Variants in BIN2 observed in about 807,000 individuals in gnomAD.
The protein encoded by BIN2 is breast cancer associated protein BRAP1.
A neutral mutation model predicts 67.9 loss-of-function variants in BIN2; 43 were observed. That is an observed-to-expected ratio of 0.63 (90% CI 0.50 to 0.82). The LOEUF (loss-of-function observed/expected upper bound fraction) is 0.82. BIN2 is among the 40% of genes least tolerant of loss of function. The pLI is 0.00. For synonymous variants in BIN2, 244 were observed against 246.8 expected, an observed-to-expected ratio of 0.99 and a Z score of 0.11; for missense variants, 581 against 671.6, an observed-to-expected ratio of 0.87 and a Z score of 1.49.
chr12:51,312,937 G>A (rs1044993836), intron 2 of BIN2, among the ~76,000 whole-genome samples: 41 of 152,080 alleles, frequency 2.7e-4, no homozygotes, highest in Middle Eastern at 3.4e-3. Context: ...TATTTATATA[G>A]TAAAGAATTT....
At chr12:51,319,221 C>T (rs1053441288) in intron 1 of BIN2, among the ~76,000 whole-genome samples, 3 of 152,220 alleles carry the variant, frequency 2.0e-5, no homozygotes, top group East Asian at 3.8e-4. Flanking sequence ...CCAATCTCCC[C>T]AATCCCCAAA....
At chr12:51,290,101 A>AT (rs1945342999) in intron 10 of BIN2, among the ~76,000 whole-genome samples, 1 of 150,022 alleles carries the variant, frequency 6.7e-6, no homozygotes, top group African/African-American at 2.5e-5. Flanking sequence ...TTTATTTTGT[A>AT]TTAATTTTTT....
At chr12:51,317,055 T>C (rs569891695) in intron 1 of BIN2, among the ~76,000 whole-genome samples, 1 of 152,144 alleles carries the variant, frequency 6.6e-6, no homozygotes, top group South Asian at 2.1e-4. Flanking sequence ...TTTGTATTTT[T>C]AGTAGAGATA....
At chr12:51,318,806 G>T (rs1946196512) in intron 1 of BIN2, among the ~76,000 whole-genome samples, 1 of 152,132 alleles carries the variant, frequency 6.6e-6, no homozygotes, top group South Asian at 2.1e-4. Context: ...CATGTAAATT[G>T]CTTTCTCAGA....
intron 4 of BIN2, 35 bp downstream of exon 4, chr12:51,302,651 G>A: frequency 6.5e-7 from 1 of 1,536,500 alleles, no homozygotes. Flanking sequence ...ACAGGAGTAA[G>A]TGCCAATAAG....
In BIN2 at chr12:51,291,965, A is replaced by C; in HGVS notation, c.1141T>G (p.Ser381Ala). 6.2e-7 allele frequency: 1 copy of C among 1,614,058 alleles called. No homozygotes were observed. The highest frequency in any genetic ancestry group is 8.5e-7 in the Non-Finnish European group (1 of 1,179,986). The change falls in exon 10 of 13, where the codon TCA becomes GCA. Residue 381 changes from serine (S) to alanine (A), a missense_variant. Coordinates refer to ENST00000615107, the MANE Select transcript of BIN2 (RefSeq NM_016293.4). ...GGALSPSGQP[S>A]SSATEVVLRT... is the part of the protein sequence containing the mutation. ...AGGACTACTTCTGTGGCAGATGATG[A>C]AGGCTGCCCTGAAGGGCTCAGGGCT...
chr12:51,296,779 A>AG (rs1022778907), intron 8 of BIN2, among the ~76,000 whole-genome samples: 4 of 152,134 alleles, frequency 2.6e-5, no homozygotes, highest in African/African-American at 9.7e-5. Context: ...AACAATAGAT[A>AG]GATATTTCAC....
chr12:51,324,467 C>T (rs1451914292), upstream of BIN2: 2 of 1,516,768 alleles, frequency 1.3e-6, no homozygotes, highest in East Asian at 2.5e-5. Context: ...CAACTGCCAC[C>T]GCAGGGTAGA....
intron 8 of BIN2, 122 bp downstream of exon 8, chr12:51,296,967 G>T (rs2288367): frequency 0.097 from 81,364 of 839,566 alleles, 4,153 homozygotes; most frequent in African/African-American, 0.12. Flanking sequence ...ATTTCATCAT[G>T]AGAGAAAAGC....
chr12:51,313,689 G>T, intron 2 of BIN2, 134 bp downstream of exon 2: 1 of 766,408 alleles, frequency 1.3e-6, no homozygotes, highest in Non-Finnish European at 2.2e-6. Context: ...AGGTCACCCT[G>T]TAGCCCTTAA....
chr12:51,283,857 G>T (rs955822241), intron 12 of BIN2, among the ~76,000 whole-genome samples: 6 of 151,938 alleles, frequency 3.9e-5, no homozygotes, highest in Admixed American at 3.9e-4. Flanking sequence ...AGCTGGGCGT[G>T]GTGGCGCATG....
chr12:51,283,917 C>T (rs1468703560), intron 12 of BIN2, among the ~76,000 whole-genome samples: 1 of 150,372 alleles, frequency 6.7e-6, no homozygotes, highest in African/African-American at 2.4e-5. Flanking sequence ...TTGCTTGAAC[C>T]CAGAGGCCAA....
At position 51,299,666 on chromosome 12, in the gene BIN2, G is replaced by C; in HGVS notation, c.457C>G (p.Arg153Gly). Residue 153 changes from arginine to glycine, a missense_variant, in exon 6 of 13, where the codon CGA (arginine) becomes GGA (glycine). Transcript: ENST00000615107. ...TTCTGCACTGCCTCCAGGTGGTGTCGGGCACTGTCATAGTCCACGAGTTTC... is the reference window on the plus strand; with the variant it reads ...TTCTGCACTGCCTCCAGGTGGTGTCCGGCACTGTCATAGTCCACGAGTTTC... Reference protein sequence around the residue: ...GRKLVDYDSARHHLEAVQNAK... With the variant: ...GRKLVDYDSAGHHLEAVQNAK... 1 of 1,613,920 alleles carries C rather than the reference G, an allele frequency of 6.2e-7. No individual in the cohort carries two copies. Among genetic ancestry groups the C allele is most frequent in the South Asian group, 1.1e-5 (1 of 91,072 alleles).
chr12:51,324,167 G>T lies in BIN2; in HGVS notation c.-65C>A. 6.3e-7 allele frequency: 1 copy of T among 1,593,528 alleles called. No homozygotes were observed. On this transcript the variant is annotated 5_prime_UTR_variant, in exon 1 of 13. Coordinates refer to ENST00000615107, the MANE Select transcript of BIN2 (RefSeq NM_016293.4). ...CCTGTGGTTTTCTGAGGCCCCCGAG[G>T]AGGAAGTGCGGGCTCCCGGCATGCC...
chr12:51,317,815 C>T (rs1326509146), intron 1 of BIN2, among the ~76,000 whole-genome samples: 4 of 152,034 alleles, frequency 2.6e-5, no homozygotes, highest in Admixed American at 2.0e-4. Context: ...GATGAAACCC[C>T]GTCTCTACTA....
chr12:51,301,730 G>A (rs1383135729), intron 5 of BIN2, among the ~76,000 whole-genome samples: 1 of 151,760 alleles, frequency 6.6e-6, no homozygotes, highest in South Asian at 2.1e-4. Context: ...GGCTGGTCCC[G>A]AACTCCTGGG....
chr12:51,281,895 C>T (rs1179431639), intron 12 of BIN2, among the ~76,000 whole-genome samples: 3 of 151,896 alleles, frequency 2.0e-5, no homozygotes, highest in African/African-American at 2.4e-5. Context: ...GGACTACAGG[C>T]GCACACAACC....
chr12:51,288,775 G>T (rs917253190), intron 10 of BIN2, among the ~76,000 whole-genome samples: 2 of 148,954 alleles, frequency 1.3e-5, no homozygotes, highest in Non-Finnish European at 3.0e-5. Flanking sequence ...TTGAGACAGG[G>T]TCTTGCTCTG....
chr12:51,319,955 C>CTCCTTCCTTCCT (rs1555172977), intron 1 of BIN2, among the ~76,000 whole-genome samples: 1 of 150,966 alleles, frequency 6.6e-6, no homozygotes, highest in Non-Finnish European at 1.5e-5. Flanking sequence ...GGAAATCTTT[C>CTCCTTCCTTCCT]TCTTTCCTTC....
Sources: gnomAD v4.1 joint callset for allele counts (sites outside exome capture counted in the v4.1 genomes callset) on GRCh38, gnomAD v4.1.1 for gene constraint, MANE v1.5 for transcripts, NCBI Gene and HGNC (gene_info 2026-07-23, HGNC 2026-07-21) for gene names.